The following COL23A1 variants were observed in gnomAD, a reference collection of about 807,000 sequenced individuals.
COL23A1 encodes collagen type XXIII alpha 1 chain.
Under a neutral mutation model 99.3 loss-of-function variants are expected in COL23A1, and 97 were observed. That is an observed-to-expected ratio of 0.98 (90% CI 0.83 to 1.16). The LOEUF (loss-of-function observed/expected upper bound fraction) is 1.16, where lower values mean the gene tolerates loss of function less well. Ranked by LOEUF, COL23A1 falls within the 50% of genes most tolerant of loss-of-function variation. The pLI is 0.00. For missense variants in COL23A1, 762 were observed against 757.4 expected (o/e 1.01, Z -0.07); for synonymous variants, 320 against 308.2 (o/e 1.04, Z -0.40).
chr5:178,354,981 C>A (rs996271890), intron 2 of COL23A1, among the ~76,000 whole-genome samples: 7 of 151,740 alleles, frequency 4.6e-5, no homozygotes, highest in African/African-American at 1.7e-4. Context: ...TCGCTTGAAA[C>A]CGGGAGGCGG....
chr5:178,310,439 C>T lies in COL23A1; in HGVS notation c.362-3520G>A, dbSNP rs967500509. On this transcript the variant is annotated intron_variant, in intron 2 of 28. Transcript: ENST00000390654. This position sits in a 1 kb window ranked among gnomAD's most constrained non-coding sequence, Gnocchi z 4.3. ...CCTCCAGGACTCCCTGTGCCCGCCC[C>T]GCAGGCTCACCTTCTGCCTCGCCAG... Among the ~76,000 whole-genome samples the T allele has an allele frequency of 5.9e-5, 9 of 152,234 alleles. No individual in the cohort carries two copies. The highest frequency in any genetic ancestry group is 1.2e-4 in the Non-Finnish European group (8 of 68,042).
chr5:178,265,788 C>G, intron 8 of COL23A1: 1 of 854,104 alleles, frequency 1.2e-6, no homozygotes, highest in Non-Finnish European at 1.4e-6. Context: ...AACTACAAGG[C>G]TTTTTGAAAC....
chr5:178,253,456 G>A (rs926569278), intron 16 of COL23A1, among the ~76,000 whole-genome samples: 2 of 151,874 alleles, frequency 1.3e-5, no homozygotes, highest in Admixed American at 1.3e-4. Flanking sequence ...TCCCTAGCTA[G>A]CCTTCCCCCA....
intron 2 of COL23A1, among the ~76,000 whole-genome samples, chr5:178,534,396 C>T (rs532007929): frequency 2.6e-5 from 4 of 152,278 alleles, no homozygotes; most frequent in African/African-American, 9.6e-5. Flanking sequence ...TTTTGCTGTA[C>T]GAATTCGCAG....
rs564219570 is a variant in COL23A1 at position 178,308,750 on chromosome 5, C to G, written c.362-1831G>C. Among the ~76,000 whole-genome samples the G allele has an allele frequency of 3.9e-5, 6 of 152,252 alleles. No individual in the cohort carries two copies. In the South Asian group the frequency reaches 1.2e-3, roughly 32 times the overall value. On this transcript the variant is annotated intron_variant, in intron 2 of 28. Coordinates refer to ENST00000390654, the MANE Select transcript of COL23A1 (RefSeq NM_173465.4). The surrounding 1 kb of genome is among the most constrained non-coding windows in gnomAD (Gnocchi z 5.1). ...TGCGGGGCTGATGGTGCCTGGGAAC[C>G]TCCAGAGCCAGTCACACCGGATGAC...
chr5:178,391,672 G>A (rs1763970837), intron 2 of COL23A1, among the ~76,000 whole-genome samples: 1 of 152,134 alleles, frequency 6.6e-6, no homozygotes, highest in African/African-American at 2.4e-5. Flanking sequence ...AGACAGTCTG[G>A]CAGGTGCTCA....
chr5:178,560,742 C>G lies in COL23A1; in HGVS notation c.301G>C (p.Asp101His). The G allele has an allele frequency of 1.2e-6, 2 of 1,610,906 alleles. No individual in the cohort carries two copies. The highest frequency in any genetic ancestry group is 1.1e-5 in the South Asian group (1 of 90,302). ...GCAGTCCGGATCTTCGCTAGTCCGT[C>G]CAACTTCTGAGCCGGAAAAAAAAAA... ...HLERLLREKL[D>H]GLAKIRTARE... Residue 101 changes from aspartate (D) to histidine (H), a missense_variant, in exon 2 of 29, where the codon GAC becomes CAC. By Grantham distance (81) the Asp-to-His change is moderately conservative. Coordinates refer to ENST00000390654, the MANE Select transcript of COL23A1 (RefSeq NM_173465.4).
chr5:178,322,801 C>T (rs1759401008), intron 2 of COL23A1, among the ~76,000 whole-genome samples: 1 of 152,194 alleles, frequency 6.6e-6, no homozygotes, highest in Non-Finnish European at 1.5e-5. Flanking sequence ...TCAGCCCTGT[C>T]CCTGGGGTTC....
rs1763574318 is a variant in COL23A1 at position 178,384,688 on chromosome 5, C to G, written c.362-77769G>C. On this transcript the variant is annotated intron_variant, in intron 2 of 28. Transcript: ENST00000390654. This position sits in a 1 kb window ranked among gnomAD's most constrained non-coding sequence, Gnocchi z 5.5. Reference sequence around the variant, plus strand: ...ATGCGTCCAGTTTCAGAGCCAGAAGCCTCCTGGGGGCCTCACCCACTGAAT... The same window carrying G: ...ATGCGTCCAGTTTCAGAGCCAGAAGGCTCCTGGGGGCCTCACCCACTGAAT... Among the ~76,000 whole-genome samples, 1 of 152,178 alleles carries G rather than the reference C, an allele frequency of 6.6e-6. No homozygotes were observed. The highest frequency in any genetic ancestry group is 2.1e-4 in the South Asian group (1 of 4,834).
intron 17 of COL23A1, 44 bp downstream of exon 17, chr5:178,252,500 G>A (rs999749459): frequency 2.5e-6 from 4 of 1,570,008 alleles, no homozygotes; most frequent in Non-Finnish European, 3.5e-6. Flanking sequence ...GGTGGGCCCT[G>A]GAGACAAATG....
chr5:178,292,454 C>T (rs1172035608), intron 3 of COL23A1, among the ~76,000 whole-genome samples: 2 of 152,188 alleles, frequency 1.3e-5, no homozygotes, highest in East Asian at 1.9e-4. Context: ...TCACACACCC[C>T]GTTCTATTCC....
At chr5:178,583,868 A>T (rs1000867654) in intron 1 of COL23A1, among the ~76,000 whole-genome samples, 1 of 152,050 alleles carries the variant, frequency 6.6e-6, no homozygotes, top group Non-Finnish European at 1.5e-5. Context: ...TTTCTCCCCA[A>T]TTTTTATTTG....
At chr5:178,250,015 C>G in intron 18 of COL23A1, 46 bp downstream of exon 18, 12 of 1,600,152 alleles carry the variant, frequency 7.5e-6, no homozygotes, top group Non-Finnish European at 1.0e-5. Context: ...ACACAGAGCC[C>G]AATACCAGGC....
At position 178,506,436 on chromosome 5, in the gene COL23A1, A is replaced by G. The variant is rs1758876890; in HGVS notation, c.361+54246T>C. On this transcript the variant is annotated intron_variant, in intron 2 of 28. Coordinates refer to ENST00000390654, the MANE Select transcript of COL23A1 (RefSeq NM_173465.4). ...GCTGGCTTCAGGGGCAGCAGAAGCC[A>G]TGGATATAGCCTATTCCTCCCCATC... Among the ~76,000 whole-genome samples, 3 of 152,248 alleles carry G rather than the reference A, an allele frequency of 2.0e-5. No individual in the cohort carries two copies. The South Asian group carries it at 6.2e-4, about 32-fold the overall frequency.
intron 2 of COL23A1, among the ~76,000 whole-genome samples, chr5:178,429,764 C>G (rs1766156419): frequency 6.6e-6 from 1 of 152,136 alleles, no homozygotes; most frequent in Non-Finnish European, 1.5e-5. Context: ...CCTGCACCAC[C>G]CTCTATGGCT....
chr5:178,250,223 T>C (rs1764960842), intron 17 of COL23A1, 118 bp from the exon 18 acceptor site: 2 of 1,138,556 alleles, frequency 1.8e-6, no homozygotes, highest in South Asian at 1.3e-5. Context: ...CAGTTGGACC[T>C]CTAGCTGTGC....
chr5:178,427,344 T>C (rs1357066911), intron 2 of COL23A1, among the ~76,000 whole-genome samples: 1 of 152,194 alleles, frequency 6.6e-6, no homozygotes, highest in Non-Finnish European at 1.5e-5. Flanking sequence ...TACAGGCCCT[T>C]TGGAATACAG....
Position 178,242,028 on chromosome 5 carries a change from C to A in COL23A1, c.1581+14G>T, listed in dbSNP as rs554038810. On this transcript the variant is annotated intron_variant, in intron 27 of 28. Coordinates refer to ENST00000390654, the MANE Select transcript of COL23A1 (RefSeq NM_173465.4). ...CCAAAAAGACCTGGGGCAGGGCCCTCCTCCGACACCTACCACGGGACACGG... is the reference window on the plus strand; with the variant it reads ...CCAAAAAGACCTGGGGCAGGGCCCTACTCCGACACCTACCACGGGACACGG... The A allele has an allele frequency of 8.9e-5, 138 of 1,550,014 alleles. No individual in the cohort carries two copies. The South Asian group carries it at 1.2e-3, about 14-fold the overall frequency.
chr5:178,396,876 T>A (rs1186709109), intron 2 of COL23A1, among the ~76,000 whole-genome samples: 3 of 152,170 alleles, frequency 2.0e-5, no homozygotes, highest in Non-Finnish European at 4.4e-5. Flanking sequence ...TCTGGGCTCC[T>A]GCCCAGGACT....
Sources: gnomAD v4.1 joint callset for allele counts (sites outside exome capture counted in the v4.1 genomes callset) on GRCh38, gnomAD v4.1.1 for gene constraint, Gnocchi (gnomAD v3.1) non-coding constraint, MANE v1.5 for transcripts, NCBI Gene and HGNC (gene_info 2026-07-23, HGNC 2026-07-21) for gene names.